Variants in MEST observed in about 807,000 individuals in gnomAD.
MEST encodes the protein mesoderm-specific transcript homolog protein.
MEST carries 18 observed loss-of-function variants against 50.9 expected under a neutral mutation model. The observed-to-expected ratio is 0.35, with a 90% CI of 0.24 to 0.52. The LOEUF (loss-of-function observed/expected upper bound fraction) is 0.52, where lower values mean the gene tolerates loss of function less well. Among genes scored for constraint, MEST ranks in the 20% least tolerant of loss-of-function variants. The pLI is 0.94. For missense variants in MEST, 282 were observed against 425.3 expected, an observed-to-expected ratio of 0.66 and a Z score of 2.96; for synonymous variants, 130 against 154.1, an observed-to-expected ratio of 0.84 and a Z score of 1.16.
At chr7:130,504,595 T>C (rs151118045) in intron 11 of MEST, among the ~76,000 whole-genome samples, 1 of 152,332 alleles carries the variant, frequency 6.6e-6, no homozygotes, top group Non-Finnish European at 1.5e-5. Flanking sequence ...GGAAGATCCT[T>C]GGTTATCTCT....
intron 2 of MEST, 76 bp downstream of exon 2, chr7:130,495,598 T>C (rs1387351696): frequency 4.1e-6 from 6 of 1,453,456 alleles, no homozygotes; most frequent in South Asian, 2.5e-5. Flanking sequence ...TTTGTGGCTA[T>C]TGGTCTCTTG....
Position 130,495,533 on chromosome 7 carries a change from G to A in MEST, c.181+11G>A. 1 of 1,613,002 alleles carries A rather than the reference G, an allele frequency of 6.2e-7. No individual in the cohort carries two copies. On this transcript the variant is annotated intron_variant, in intron 2 of 11. Coordinates refer to ENST00000223215, the MANE Select transcript of MEST (RefSeq NM_002402.4). ...GTATCTTCTACCAAGGTAAGAAGTG[G>A]ACTATTGGAAGTCCTGCGTGTATCG... is the stretch of plus-strand genomic sequence containing the variant.
In MEST at chr7:130,498,261, G is replaced by C; in HGVS notation, c.462G>C (p.Gln154His). ...ATGACTATGGAGATATTGTTGCTCA[G>C]GAGCTTCTCTACAGGTCAGTGGAGC... Reference protein sequence around the residue: ...LSHDYGDIVAQELLYRYKQNR... With the variant: ...LSHDYGDIVAHELLYRYKQNR... The change falls in exon 5 of 12, where the codon CAG becomes CAC. Residue 154 changes from glutamine (Q) to histidine (H), a missense_variant. Transcript: ENST00000223215. 1 of 1,614,160 alleles carries C rather than the reference G, an allele frequency of 6.2e-7. No individual in the cohort carries two copies. The highest frequency in any genetic ancestry group is 8.5e-7 in the Non-Finnish European group (1 of 1,180,012).
At position 130,499,790 on chromosome 7, in the gene MEST, C is replaced by G. The variant is rs561826290; in HGVS notation, c.536-85C>G. The G allele has an allele frequency of 1.6e-5, 18 of 1,128,272 alleles. No individual in the cohort carries two copies. In the East Asian group the frequency reaches 4.4e-4, roughly 27 times the overall value. 69.9% of individuals were successfully genotyped at this position (1,128,272 alleles called of 1,614,324 possible). ...GAGGATTGCTTGAGCTCGAGACCAG[C>G]TGGGCAACCCAGTGAGATCCCGTCT... On this transcript the variant is annotated intron_variant, in intron 6 of 11. Coordinates refer to ENST00000223215, the MANE Select transcript of MEST (RefSeq NM_002402.4).
chr7:130,498,517 A>G, intron 6 of MEST, 40 bp downstream of exon 6: 1 of 1,566,294 alleles, frequency 6.4e-7, no homozygotes, highest in Non-Finnish European at 8.8e-7. Flanking sequence ...GGTGTAATCT[A>G]GAAGGGCCAT....
intron 2 of MEST, chr7:130,496,447 A>G (rs891386357): frequency 3.2e-6 from 1 of 312,758 alleles, no homozygotes; most frequent in African/African-American, 2.3e-5. Context: ...AAACCTTATT[A>G]CCAAATTTTC....
chr7:130,487,391 GTGGGATAA>G (rs1554434009), upstream of MEST: 1 of 152,356 alleles, frequency 6.6e-6, no homozygotes, highest in African/African-American at 2.4e-5. Context: ...AGTACCAGCT[GTGGGATAA>G]TGGGATGTGT....
chr7:130,490,815 G>A (rs1798776744), upstream of MEST: 1 of 152,210 alleles, frequency 6.6e-6, no homozygotes, highest in Non-Finnish European at 1.5e-5. Context: ...TTTTTCTGGG[G>A]GCAACCAGAC....
Position 130,500,977 on chromosome 7 carries a change from C to A in MEST, c.749+87C>A, listed in dbSNP as rs1225125342. On this transcript the variant is annotated intron_variant, in intron 9 of 11. Coordinates refer to ENST00000223215, the MANE Select transcript of MEST (RefSeq NM_002402.4). This position sits in a 1 kb window ranked among gnomAD's most constrained non-coding sequence, Gnocchi z 5.0. ...TTGTTCTGTTCCTTGCTGGCTTATT[C>A]CCTATCACAGGAAGGCTGATGATGA... 2 of 1,156,622 alleles carry A rather than the reference C, an allele frequency of 1.7e-6. No homozygotes were observed. Among genetic ancestry groups the A allele is most frequent in the African/African-American group, 1.5e-5 (1 of 65,716 alleles). 71.6% of individuals were successfully genotyped at this position (1,156,622 alleles called of 1,614,324 possible).
upstream of MEST, among the ~76,000 whole-genome samples, chr7:130,491,747 G>A (rs1453216358): frequency 6.6e-6 from 1 of 152,156 alleles, no homozygotes; most frequent in Non-Finnish European, 1.5e-5. This position sits in a 1 kb window ranked among gnomAD's most constrained non-coding sequence, Gnocchi z 6.8. Flanking sequence ...TTTGTGGGTG[G>A]TCTAAGGAAA....
intron 6 of MEST, among the ~76,000 whole-genome samples, chr7:130,498,975 G>GT: frequency 6.6e-6 from 1 of 152,308 alleles, no homozygotes; most frequent in East Asian, 1.9e-4. Context: ...CTTGGAAACT[G>GT]TGACTTTAAA....
At chr7:130,495,609 T>C in intron 2 of MEST, 87 bp downstream of exon 2, 1 of 1,362,404 alleles carries the variant, frequency 7.3e-7, no homozygotes, top group South Asian at 1.4e-5. Context: ...TGGTCTCTTG[T>C]TGCTCCTTAA....
intron 9 of MEST, 79 bp from the exon 10 acceptor site, chr7:130,502,565 T>C (rs1799314005): frequency 1.9e-6 from 2 of 1,035,018 alleles, no homozygotes; most frequent in South Asian, 2.7e-5. Flanking sequence ...CTTGTGTTCC[T>C]TGTGGCTCGT....
Position 130,497,777 on chromosome 7 carries a change from C to G in MEST, c.262-159C>G. 1 of 680,180 alleles carries G rather than the reference C, an allele frequency of 1.5e-6. No homozygotes were observed. Among genetic ancestry groups the G allele is most frequent in the East Asian group, 2.5e-5 (1 of 39,484 alleles). The allele number at this position is 680,180 out of a possible 1,614,324, so 42.1% of individuals were successfully genotyped here. A position where few individuals can be genotyped will look rare whatever the true frequency, so the allele number is the denominator to read the frequency against. ...TTAATTACCAGGAATAAAGCATTTT[C>G]CAAGAGGATCATCTGTGGGACCTGT... On this transcript the variant is annotated intron_variant, in intron 3 of 11. Coordinates refer to ENST00000223215, the MANE Select transcript of MEST (RefSeq NM_002402.4). The surrounding 1 kb of genome is among the most constrained non-coding windows in gnomAD (Gnocchi z 4.0).
Position 130,497,938 on chromosome 7 carries a change from T to C in MEST, c.264T>C (p.Ile88=). 1 of 1,614,142 alleles carries C rather than the reference T, an allele frequency of 6.2e-7. No homozygotes were observed. The highest frequency in any genetic ancestry group is 8.5e-7 in the Non-Finnish European group (1 of 1,180,008). The change falls in exon 4 of 12, where the codon ATT becomes ATC. Residue 88 remains isoleucine (I), a splice_region_variant and synonymous_variant. Coordinates refer to ENST00000223215, the MANE Select transcript of MEST (RefSeq NM_002402.4). The surrounding 1 kb of genome is among the most constrained non-coding windows in gnomAD (Gnocchi z 4.0). The part of the protein sequence containing the change: ...FPTSSYDWYK[I]WEGLTLRFHR... ...AAATCATCGTTTCTTTCTTGTAGAT[T>C]TGGGAAGGTCTGACCTTGAGGTTTC...
chr7:130,498,364 G>A, intron 5 of MEST, 55 bp from the exon 6 acceptor site: 1 of 1,611,274 alleles, frequency 6.2e-7, no homozygotes, highest in Non-Finnish European at 8.5e-7. Flanking sequence ...GTTTTCAGCG[G>A]TGCACTGGTT....
At chr7:130,503,878 G>C in intron 10 of MEST, 55 bp from the exon 11 acceptor site, 1 of 1,297,078 alleles carries the variant, frequency 7.7e-7, no homozygotes, top group South Asian at 1.2e-5. Context: ...TTTTAGGGTG[G>C]GAGTAGAACA....
chr7:130,498,830 CTGTT>C (rs1210597270), intron 6 of MEST: 1 of 327,696 alleles, frequency 3.1e-6, no homozygotes, highest in Non-Finnish European at 5.6e-6. Context: ...AGTGTAAAGA[CTGTT>C]TGCCATATCT....
rs1248888585 is a variant in MEST at position 130,499,858 on chromosome 7, A to G, written c.536-17A>G. The G allele has an allele frequency of 5.6e-6, 9 of 1,596,648 alleles. No homozygotes were observed. Among genetic ancestry groups the G allele is most frequent in the South Asian group, 1.1e-5 (1 of 87,142 alleles). ...TTAAAGCTGTAGGTAAATGACTAAG[A>G]TAAGTCTCTTCTACAGGTATCTTTC... On this transcript the variant is annotated splice_polypyrimidine_tract_variant and intron_variant, in intron 6 of 11. Transcript: ENST00000223215.
Sources: gnomAD v4.1 joint callset for allele counts (sites outside exome capture counted in the v4.1 genomes callset) on GRCh38, gnomAD v4.1.1 for gene constraint, Gnocchi (gnomAD v3.1) non-coding constraint, MANE v1.5 for transcripts, NCBI Gene and HGNC (gene_info 2026-07-23, HGNC 2026-07-21) for gene names.